Variants in SLC66A3 observed in about 807,000 individuals in gnomAD.
SLC66A3 encodes the protein PQ loop repeat containing 3.
A neutral mutation model predicts 25.5 loss-of-function variants in SLC66A3; 23 were observed. The observed-to-expected ratio is 0.90, with a 90% CI of 0.65 to 1.28. SLC66A3 has a LOEUF of 1.28. Among genes scored for constraint, SLC66A3 ranks in the 50% most tolerant of loss-of-function variants. The pLI is 0.00. For missense variants in SLC66A3, 246 were observed against 262.1 expected, an observed-to-expected ratio of 0.94 and a Z score of 0.42; for synonymous variants, 108 against 112.6, an observed-to-expected ratio of 0.96 and a Z score of 0.26.
intron 4 of SLC66A3, among the ~76,000 whole-genome samples, chr2:11,170,429 A>T (rs1662507857): frequency 6.6e-6 from 1 of 152,072 alleles, no homozygotes; most frequent in Non-Finnish European, 1.5e-5. Context: ...ATTTGTGAGG[A>T]TCTCTTACCT....
chr2:11,168,019 G>C (rs546888746), intron 4 of SLC66A3, among the ~76,000 whole-genome samples: 49 of 152,120 alleles, frequency 3.2e-4, no homozygotes, highest in Non-Finnish European at 5.6e-4. Context: ...GGTGGCTCAC[G>C]CCTGTGATCC....
intron 6 of SLC66A3, among the ~76,000 whole-genome samples, chr2:11,176,525 CTT>C (rs775778444): frequency 3.4e-5 from 3 of 87,304 alleles, no homozygotes; most frequent in Non-Finnish European, 2.2e-5. Context: ...CTGGGAATAA[CTT>C]TTTTTTTTTT....
At chr2:11,168,455 G>T (rs1039672222) in intron 4 of SLC66A3, among the ~76,000 whole-genome samples, 7 of 152,150 alleles carry the variant, frequency 4.6e-5, no homozygotes, top group African/African-American at 1.7e-4. Flanking sequence ...TGTAAAAATA[G>T]CTTTGTTCCT....
intron 4 of SLC66A3, among the ~76,000 whole-genome samples, chr2:11,165,299 C>A (rs1291178031): frequency 1.4e-5 from 2 of 143,404 alleles, no homozygotes; most frequent in Non-Finnish European, 3.0e-5. Flanking sequence ...CCTCACTTCT[C>A]AGACTGGGCG....
At chr2:11,173,024 G>A (rs1185550705) in intron 5 of SLC66A3, among the ~76,000 whole-genome samples, 1 of 152,108 alleles carries the variant, frequency 6.6e-6, no homozygotes, top group Non-Finnish European at 1.5e-5. Flanking sequence ...CACCATGCCT[G>A]GCTAATTTTT....
chr2:11,161,067 A>T (rs998065193), intron 3 of SLC66A3, among the ~76,000 whole-genome samples: 3 of 152,110 alleles, frequency 2.0e-5, no homozygotes, highest in Non-Finnish European at 2.9e-5. Context: ...GCCTCTCAAG[A>T]CGTTAGCTTA....
At chr2:11,166,197 T>C (rs544312956) in intron 4 of SLC66A3, among the ~76,000 whole-genome samples, 9 of 152,272 alleles carry the variant, frequency 5.9e-5, no homozygotes, top group South Asian at 2.1e-4. Context: ...GAATGAAGAA[T>C]TGAGCATCAG....
chr2:11,172,256 G>GA (rs35160592), intron 5 of SLC66A3, among the ~76,000 whole-genome samples: 58,521 of 149,380 alleles, frequency 0.39, 13,046 homozygotes, highest in South Asian at 0.52. Context: ...AAGTTGCCAA[G>GA]AAAAAAAAAA....
At chr2:11,171,693 C>T (rs1243043607) in intron 4 of SLC66A3, among the ~76,000 whole-genome samples, 2 of 152,056 alleles carry the variant, frequency 1.3e-5, no homozygotes, top group East Asian at 1.9e-4. Flanking sequence ...CTCAGCCTCC[C>T]GAGTAGCTGG....
intron 5 of SLC66A3, chr2:11,172,786 T>TA (rs746821198): frequency 3.9e-4 from 170 of 437,832 alleles, no homozygotes; most frequent in African/African-American, 3.2e-3. Context: ...AGTGCAGTGA[T>TA]ACGATCTTCA....
chr2:11,165,069 C>T lies in SLC66A3; in HGVS notation c.354+808C>T, dbSNP rs769020818. On this transcript the variant is annotated intron_variant, in intron 4 of 6. Coordinates refer to ENST00000295083, the MANE Select transcript of SLC66A3 (RefSeq NM_152391.5). ...TGGGTACACCTCCCAGACGGGGTGGCGGCCGGGCAGAGGGGTCCTCACTTC... is the reference window on the plus strand; with the variant it reads ...TGGGTACACCTCCCAGACGGGGTGGTGGCCGGGCAGAGGGGTCCTCACTTC... Among the ~76,000 whole-genome samples the T allele has an allele frequency of 1.3e-3, 199 of 152,290 alleles. 1 individual carries two copies. Among genetic ancestry groups the T allele is most frequent in the Non-Finnish European group, 1.3e-3 (86 of 68,018 alleles).
intron 6 of SLC66A3, among the ~76,000 whole-genome samples, chr2:11,176,505 C>T (rs1206399798): frequency 2.9e-4 from 44 of 150,146 alleles, no homozygotes; most frequent in African/African-American, 7.3e-4. Flanking sequence ...CGTGTGCCAC[C>T]GCGCCCGGCC....
At chr2:11,168,900 C>T (rs1318835370) in intron 4 of SLC66A3, among the ~76,000 whole-genome samples, 1 of 152,004 alleles carries the variant, frequency 6.6e-6, no homozygotes, top group Non-Finnish European at 1.5e-5. Flanking sequence ...CCCTGTTGTT[C>T]AGGCTAGAGT....
At chr2:11,172,102 G>C (rs1425508401) in intron 5 of SLC66A3, 57 bp downstream of exon 5, 6 of 1,567,266 alleles carry the variant, frequency 3.8e-6, no homozygotes, top group Non-Finnish European at 5.2e-6. Flanking sequence ...TGTCTACGTA[G>C]TAGGGTGTTA....
chr2:11,162,344 G>C (rs1662157761), intron 3 of SLC66A3, among the ~76,000 whole-genome samples: 1 of 152,188 alleles, frequency 6.6e-6, no homozygotes, highest in African/African-American at 2.4e-5. Context: ...AGTCCCAGCT[G>C]GTTAAAGGTT....
At chr2:11,172,229 C>T (rs1003723146) in intron 5 of SLC66A3, among the ~76,000 whole-genome samples, 184 bp downstream of exon 5, 1 of 151,212 alleles carries the variant, frequency 6.6e-6, no homozygotes, top group African/African-American at 2.4e-5. Context: ...AACTGCTCTC[C>T]ATTTTCTGTA....
chr2:11,156,162 A>G (rs1661892745), intron 1 of SLC66A3, among the ~76,000 whole-genome samples: 3 of 152,124 alleles, frequency 2.0e-5, no homozygotes, highest in African/African-American at 7.2e-5. Context: ...ATTGGTGGGG[A>G]ATCTTTCCTG....
Position 11,177,907 on chromosome 2 carries a change from CT to C in SLC66A3, c.*83del. 1.1e-6 allele frequency: 1 copy of C among 877,842 alleles called. No individual in the cohort carries two copies. The highest frequency in any genetic ancestry group is 1.8e-6 in the Non-Finnish European group (1 of 554,654). 54.4% of individuals were successfully genotyped at this position (877,842 alleles called of 1,614,324 possible). Reference sequence around the variant, plus strand: ...AAGAAGCTCTTTGCTAAATTAAGGTCTTTTATAAATTTAGTAAATCAGTTTA... The same window carrying C: ...AAGAAGCTCTTTGCTAAATTAAGGTCTTTATAAATTTAGTAAATCAGTTTA... On this transcript the variant is annotated 3_prime_UTR_variant, in exon 7 of 7. Coordinates refer to ENST00000295083, the MANE Select transcript of SLC66A3 (RefSeq NM_152391.5).
chr2:11,155,682 C>G lies in SLC66A3; in HGVS notation c.136C>G (p.Leu46Val). ...GLSLPSLLLELAGFLVFLRYQ... is the reference protein window; with the variant it reads ...GLSLPSLLLEVAGFLVFLRYQ... ...CAGCCTTCCGAGTTTACTTCTGGAG[C>G]TGGCAGGGTAAGGCCCGGGGCGGCC... is the stretch of plus-strand genomic sequence containing the variant. Residue 46 changes from leucine (L) to valine (V), a missense_variant, in exon 1 of 7, where the codon CTG (leucine) becomes GTG (valine). Physicochemically the swap from Leu to Val is conservative, Grantham distance 32. This residue lies in a region of SLC66A3 where 142 missense variants were observed against 130.3 expected (regional missense o/e 1.09). Coordinates refer to ENST00000295083, the MANE Select transcript of SLC66A3 (RefSeq NM_152391.5). 6.9e-7 allele frequency: 1 copy of G among 1,444,440 alleles called. No homozygotes were observed. The highest frequency in any genetic ancestry group is 9.1e-7 in the Non-Finnish European group (1 of 1,103,098). 89.5% of individuals were successfully genotyped at this position (1,444,440 alleles called of 1,614,324 possible).
Sources: gnomAD v4.1 joint callset for allele counts (sites outside exome capture counted in the v4.1 genomes callset) on GRCh38, gnomAD v4.1.1 for gene constraint, gnomAD v4.1.1 regional missense constraint, MANE v1.5 for transcripts, NCBI Gene and HGNC (gene_info 2026-07-23, HGNC 2026-07-21) for gene names.